SYN3: variants seen among roughly 807,000 people sequenced by gnomAD.
SYN3 encodes synapsin III.
Under a neutral mutation model 65.8 loss-of-function variants are expected in SYN3, and 35 were observed. The ratio of observed to expected loss-of-function variants is 0.53; its 90% CI spans 0.41 to 0.70. The LOEUF is 0.70. Ranked by LOEUF, SYN3 falls within the 30% of genes least tolerant of loss-of-function variation. The pLI, the probability that SYN3 is intolerant of heterozygous loss-of-function variation, is 0.00. For missense variants in SYN3, 680 were observed against 749.0 expected (o/e 0.91, Z 1.08); for synonymous variants, 270 against 292.9 (o/e 0.92, Z 0.80).
At chr22:32,623,302 T>C (rs531151534) in intron 6 of SYN3, among the ~76,000 whole-genome samples, 1 of 152,242 alleles carries the variant, frequency 6.6e-6, no homozygotes, top group African/African-American at 2.4e-5. Flanking sequence ...TCCTCCTGCC[T>C]TGGTCTCCGT....
chr22:32,801,994 C>A lies in SYN3; in HGVS notation c.711+62921G>T. On this transcript the variant is annotated intron_variant, in intron 6 of 13. Coordinates refer to ENST00000358763, the MANE Select transcript of SYN3 (RefSeq NM_003490.4). This position sits in a 1 kb window ranked among gnomAD's most constrained non-coding sequence, Gnocchi z 4.7. ...GCAGCAGCCCCGGCAGCGGCGGCAG[C>A]AGCGGCAATGACCCCTTGGCTCGGG... is the stretch of plus-strand genomic sequence containing the variant. 1 of 1,583,972 alleles carries A rather than the reference C, an allele frequency of 6.3e-7. No individual in the cohort carries two copies. The highest frequency in any genetic ancestry group is 8.5e-7 in the Non-Finnish European group (1 of 1,171,628).
intron 6 of SYN3, among the ~76,000 whole-genome samples, chr22:32,644,602 C>T (rs1426735562): frequency 6.6e-6 from 1 of 152,194 alleles, no homozygotes; most frequent in Admixed American, 6.5e-5. Flanking sequence ...GGCACATGCA[C>T]AGGAAACTGA....
intron 6 of SYN3, among the ~76,000 whole-genome samples, chr22:32,688,927 C>T (rs2060627525): frequency 6.6e-6 from 1 of 152,188 alleles, no homozygotes; most frequent in Non-Finnish European, 1.5e-5. Context: ...AATGCTTGCT[C>T]TTCCTTGTGT....
intron 6 of SYN3, among the ~76,000 whole-genome samples, chr22:32,805,026 C>T (rs895863017): frequency 8.2e-4 from 124 of 151,830 alleles, no homozygotes; most frequent in Non-Finnish European, 1.3e-3. Context: ...TGCGTGTGTG[C>T]GTGTGTGTGT....
At chr22:32,861,569 C>T (rs1339325303) in intron 6 of SYN3, 1 of 152,570 alleles carries the variant, frequency 6.6e-6, no homozygotes, top group African/African-American at 2.4e-5. Flanking sequence ...GCCATTCGCA[C>T]TCCCTGGTGT....
intron 7 of SYN3, among the ~76,000 whole-genome samples, chr22:32,562,721 C>T (rs1159429623): frequency 1.3e-5 from 2 of 152,228 alleles, no homozygotes; most frequent in Non-Finnish European, 2.9e-5. Flanking sequence ...GAAAACAGAC[C>T]AAGCCAAGCA....
intron 6 of SYN3, among the ~76,000 whole-genome samples, chr22:32,670,348 A>G (rs2060343333): frequency 1.3e-5 from 2 of 152,228 alleles, no homozygotes; most frequent in African/African-American, 4.8e-5. Context: ...AAAAAGTCTG[A>G]GGGAATCTGA....
chr22:32,598,023 G>A (rs931028579), intron 6 of SYN3, among the ~76,000 whole-genome samples: 3 of 152,154 alleles, frequency 2.0e-5, no homozygotes, highest in South Asian at 2.1e-4. Flanking sequence ...AGAACATTTT[G>A]CATTGCGTGA....
At chr22:32,771,902 G>T in intron 6 of SYN3, among the ~76,000 whole-genome samples, 1 of 152,180 alleles carries the variant, frequency 6.6e-6, no homozygotes, top group Middle Eastern at 3.2e-3. Context: ...TTAGAAAGGG[G>T]AGAGGGAGTA....
At chr22:32,572,481 C>CTCCTCCTTTCCTT (rs2058790073) in intron 7 of SYN3, among the ~76,000 whole-genome samples, 1 of 113,876 alleles carries the variant, frequency 8.8e-6, no homozygotes, top group Non-Finnish European at 1.9e-5. Context: ...CTCCTTCCCT[C>CTCCTCCTTTCCTT]CCTTCCTTTT....
chr22:33,006,619 G>A lies in SYN3; in HGVS notation c.44C>T (p.Ala15Val), dbSNP rs145594072. ...RRRLSDSSFM[A>V]NLPNGYMTDL... ...CGTCATATAGCCATTAGGCAGGTTG[G>A]CCATGAAGCTGCTGTCAGAGAGACG... Residue 15 changes from alanine to valine, a missense_variant, in exon 2 of 14, where the codon GCC (alanine) becomes GTC (valine). Coordinates refer to ENST00000358763, the MANE Select transcript of SYN3 (RefSeq NM_003490.4). The A allele has an allele frequency of 8.1e-4, 1,294 of 1,604,690 alleles. 1 individual carries two copies. Among genetic ancestry groups the A allele is most frequent in the Non-Finnish European group, 8.8e-4 (1,032 of 1,174,852 alleles).
chr22:32,936,727 T>A (rs25112), intron 3 of SYN3, among the ~76,000 whole-genome samples: 118,467 of 152,092 alleles, frequency 0.78, 46,433 homozygotes, highest in East Asian at 0.96. Context: ...TGGGACTGAA[T>A]TATCCCTGGC....
At chr22:32,902,153 C>T (rs890633388) in intron 4 of SYN3, among the ~76,000 whole-genome samples, 2 of 152,198 alleles carry the variant, frequency 1.3e-5, no homozygotes, top group Non-Finnish European at 2.9e-5. Flanking sequence ...CGGCTGTTCC[C>T]AACACACATT....
intron 4 of SYN3, among the ~76,000 whole-genome samples, chr22:32,908,305 C>T (rs1278126380): frequency 1.3e-5 from 2 of 151,422 alleles, no homozygotes; most frequent in Non-Finnish European, 2.9e-5. Context: ...AAGCTGGTCT[C>T]GAATTCCTGA....
chr22:32,580,944 A>C (rs2146489742), intron 7 of SYN3, among the ~76,000 whole-genome samples: 1 of 152,314 alleles, frequency 6.6e-6, no homozygotes, highest in South Asian at 2.1e-4. Context: ...GATCTAGTGA[A>C]TGAGAGCCTG....
intron 4 of SYN3, among the ~76,000 whole-genome samples, chr22:32,906,012 AAGGTTTGCAC>A (rs2049891742): frequency 6.6e-6 from 1 of 152,142 alleles, no homozygotes; most frequent in Non-Finnish European, 1.5e-5. Context: ...CAAAAATTCC[AAGGTTTGCAC>A]AGCTAGAGGC....
At chr22:32,628,868 G>A (rs1039458229) in intron 6 of SYN3, among the ~76,000 whole-genome samples, 7 of 152,094 alleles carry the variant, frequency 4.6e-5, no homozygotes, top group East Asian at 1.9e-4. Flanking sequence ...AATTTCCCTC[G>A]TTGTAACTGA....
intron 12 of SYN3, chr22:32,519,836 G>C (rs1024918537): frequency 6.6e-6 from 1 of 152,062 alleles, no homozygotes; most frequent in Admixed American, 6.5e-5. Flanking sequence ...GTTTTTTTGA[G>C]AGCACCGTAG....
At position 32,568,327 on chromosome 22, in the gene SYN3, G is replaced by C. The variant is rs535621885; in HGVS notation, c.775-26614C>G. 3.9e-5 allele frequency among the ~76,000 whole-genome samples: 6 copies of C among 152,286 alleles called. No individual in the cohort carries two copies. The South Asian group carries it at 1.0e-3, about 26-fold the overall frequency. On this transcript the variant is annotated intron_variant, in intron 7 of 13. Transcript: ENST00000358763. ...CTCCTCTGGACTTCCACAGGGCTTTGTATTTAGTCTACAAATATTTATTGA... is the reference window on the plus strand; with the variant it reads ...CTCCTCTGGACTTCCACAGGGCTTTCTATTTAGTCTACAAATATTTATTGA...
Sources: allele counts gnomAD v4.1 joint callset (sites outside exome capture counted in the v4.1 genomes callset), GRCh38; gene constraint gnomAD v4.1.1; non-coding constraint Gnocchi (gnomAD v3.1); transcripts MANE v1.5; gene names NCBI Gene and HGNC (gene_info 2026-07-23, HGNC 2026-07-21).